The following GUCY1A2 variants were observed in gnomAD, a reference collection of about 807,000 sequenced individuals.
GUCY1A2 encodes guanylate cyclase soluble subunit alpha-2.
GUCY1A2 carries 27 observed loss-of-function variants against 63.5 expected under a neutral mutation model. The observed-to-expected ratio is 0.43, with a 90% confidence interval of 0.31 to 0.59. The LOEUF is 0.59. GUCY1A2 is among the 20% of genes least tolerant of loss of function. The pLI, the probability that GUCY1A2 is intolerant of heterozygous loss-of-function variation, is 0.11. For synonymous variants in GUCY1A2, 364 were observed against 343.5 expected, an observed-to-expected ratio of 1.06 and a Z score of -0.66; for missense variants, 768 against 913.3, an observed-to-expected ratio of 0.84 and a Z score of 2.05.
chr11:106,824,264 C>T, intron 4 of GUCY1A2: 2 of 660,808 alleles, frequency 3.0e-6, no homozygotes, highest in East Asian at 3.7e-5. Flanking sequence ...TCATATTCCC[C>T]TAGGTCCAGT....
chr11:106,975,013 C>A (rs1861244400), intron 3 of GUCY1A2, among the ~76,000 whole-genome samples: 1 of 152,102 alleles, frequency 6.6e-6, no homozygotes, highest in African/African-American at 2.4e-5. Context: ...TTTTCCTACA[C>A]CCCAACTCCC....
chr11:106,883,015 G>T (rs1859847266), intron 4 of GUCY1A2, among the ~76,000 whole-genome samples: 1 of 152,030 alleles, frequency 6.6e-6, no homozygotes, highest in South Asian at 2.1e-4. Flanking sequence ...ATATCTCTAT[G>T]TCATCTTCTA....
intron 3 of GUCY1A2, among the ~76,000 whole-genome samples, chr11:106,964,053 G>A (rs1028301190): frequency 6.7e-6 from 1 of 149,586 alleles, no homozygotes; most frequent in African/African-American, 2.5e-5. Context: ...ACATACACAC[G>A]TATACACACA....
At chr11:106,792,165 A>G (rs1864674466) in intron 5 of GUCY1A2, among the ~76,000 whole-genome samples, 1 of 152,144 alleles carries the variant, frequency 6.6e-6, no homozygotes, top group South Asian at 2.1e-4. Context: ...AGGCAGGCAG[A>G]TCACGAGGTC....
intron 2 of GUCY1A2, among the ~76,000 whole-genome samples, chr11:106,980,816 T>C (rs1357285391): frequency 6.6e-6 from 1 of 152,170 alleles, no homozygotes; most frequent in East Asian, 1.9e-4. Context: ...TACTACAGTT[T>C]CCAGAATGCA....
At chr11:106,720,942 T>C (rs1345925266) in intron 6 of GUCY1A2, among the ~76,000 whole-genome samples, 1 of 152,214 alleles carries the variant, frequency 6.6e-6, no homozygotes, top group Non-Finnish European at 1.5e-5. Context: ...TGTGGGATAC[T>C]TGGGTATTCT....
intron 1 of GUCY1A2, among the ~76,000 whole-genome samples, chr11:107,002,317 G>A (rs867579596): frequency 6.6e-6 from 1 of 151,486 alleles, no homozygotes; most frequent in Admixed American, 6.6e-5. Context: ...CTTTCTACCA[G>A]TATCAAAAAA....
intron 4 of GUCY1A2, among the ~76,000 whole-genome samples, chr11:106,907,267 C>T (rs1234282781): frequency 6.6e-6 from 1 of 151,920 alleles, no homozygotes; most frequent in Non-Finnish European, 1.5e-5. Flanking sequence ...CATAGTTGTG[C>T]CTGAATCCTT....
rs889635168 is a variant in GUCY1A2, at chr11:106,684,208, A to G, written c.*3341T>C. The G allele has an allele frequency of 1.6e-5, 3 of 184,304 alleles. No homozygotes were observed. Among genetic ancestry groups the G allele is most frequent in the African/African-American group, 4.7e-5 (2 of 42,580 alleles). The allele number at this position is 184,304 out of a possible 1,614,324, so 11.4% of individuals were successfully genotyped here. ...TGCTGAACCTACAGACCCACTCTCA[A>G]GTCTCAGGCATCAATGTCTGTCTCA... On this transcript the variant is annotated 3_prime_UTR_variant, in exon 8 of 8. Transcript: ENST00000526355.
chr11:106,968,589 A>T (rs1032697549), intron 3 of GUCY1A2, among the ~76,000 whole-genome samples: 1 of 152,100 alleles, frequency 6.6e-6, no homozygotes, highest in African/African-American at 2.4e-5. Context: ...TATATGCTCT[A>T]CCAGTTTATT....
chr11:106,897,481 T>C (rs557762904), intron 4 of GUCY1A2, among the ~76,000 whole-genome samples: 2 of 152,198 alleles, frequency 1.3e-5, no homozygotes, highest in Admixed American at 1.3e-4. Context: ...AATAGAGTGG[T>C]ATTTGCAAAA....
chr11:106,936,684 G>A (rs1470629551), intron 4 of GUCY1A2: 15 of 1,531,426 alleles, frequency 9.8e-6, no homozygotes, highest in South Asian at 4.8e-5. Flanking sequence ...TGATAACTGC[G>A]TCAGATGCCC....
At chr11:106,726,979 T>C (rs1863419480) in intron 6 of GUCY1A2, among the ~76,000 whole-genome samples, 1 of 152,194 alleles carries the variant, frequency 6.6e-6, no homozygotes, top group African/African-American at 2.4e-5. Flanking sequence ...GAACTGAATA[T>C]TTAAAAGATT....
intron 2 of GUCY1A2, among the ~76,000 whole-genome samples, chr11:106,980,307 G>A (rs111553613): frequency 6.0e-4 from 92 of 152,316 alleles, no homozygotes; most frequent in Non-Finnish European, 4.3e-4. Flanking sequence ...GCAAGACCAC[G>A]AGAGTGAAGT....
chr11:106,796,029 T>C (rs910030515), intron 5 of GUCY1A2, among the ~76,000 whole-genome samples: 2 of 152,190 alleles, frequency 1.3e-5, no homozygotes, highest in Non-Finnish European at 2.9e-5. Flanking sequence ...TAGTTAGCTC[T>C]TCTTGTTGAA....
chr11:106,749,262 C>T (rs1293670554), intron 6 of GUCY1A2, among the ~76,000 whole-genome samples: 2 of 152,048 alleles, frequency 1.3e-5, no homozygotes, highest in African/African-American at 2.4e-5. Flanking sequence ...ATTCATTTCT[C>T]AGATCATATC....
chr11:106,877,258 A>C (rs1394595096), intron 4 of GUCY1A2, among the ~76,000 whole-genome samples: 1 of 152,090 alleles, frequency 6.6e-6, no homozygotes, highest in Non-Finnish European at 1.5e-5. Context: ...GGATCAAGTC[A>C]TCTGCAAACA....
chr11:106,763,531 T>C (rs1864106064), intron 6 of GUCY1A2, among the ~76,000 whole-genome samples: 1 of 152,148 alleles, frequency 6.6e-6, no homozygotes, highest in Non-Finnish European at 1.5e-5. Flanking sequence ...TATATGCTAT[T>C]ACCTATTTGA....
intron 1 of GUCY1A2, among the ~76,000 whole-genome samples, chr11:106,997,777 C>T (rs1246620473): frequency 1.3e-5 from 2 of 152,066 alleles, no homozygotes; most frequent in Non-Finnish European, 2.9e-5. Flanking sequence ...GTTCCTTCAC[C>T]CTTACATTGG....
Sources: allele counts gnomAD v4.1 joint callset (sites outside exome capture counted in the v4.1 genomes callset), GRCh38; gene constraint gnomAD v4.1.1; transcripts MANE v1.5; gene names NCBI Gene and HGNC (gene_info 2026-07-23, HGNC 2026-07-21).